Variants in DOCK1 observed in about 807,000 individuals in gnomAD.
DOCK1 encodes the protein dedicator of cytokinesis 1.
A neutral mutation model predicts 262.7 loss-of-function variants in DOCK1; 138 were observed. The ratio of observed to expected loss-of-function variants is 0.53; its 90% confidence interval spans 0.46 to 0.61. The LOEUF is 0.61. Ranked by LOEUF, DOCK1 falls within the 20% of genes least tolerant of loss-of-function variation. The pLI is 0.00. For missense variants in DOCK1, 1,908 were observed against 2,370.7 expected (o/e 0.80, Z 4.05); for synonymous variants, 866 against 867.4 (o/e 1.00, Z 0.03).
intron 21 of DOCK1, among the ~76,000 whole-genome samples, chr10:127,045,723 A>G (rs1564759529): frequency 6.6e-6 from 1 of 152,166 alleles, no homozygotes; most frequent in Non-Finnish European, 1.5e-5. Flanking sequence ...CACTGGACTG[A>G]CCAGCACTGG....
chr10:127,239,997 A>C (rs777111730), intron 27 of DOCK1, among the ~76,000 whole-genome samples: 49 of 152,256 alleles, frequency 3.2e-4, no homozygotes, highest in Middle Eastern at 3.4e-3. Context: ...AATAACTGTT[A>C]TGGGTAATTT....
At chr10:127,051,574 CATTTT>C (rs1188053832) in intron 21 of DOCK1, among the ~76,000 whole-genome samples, 2 of 152,054 alleles carry the variant, frequency 1.3e-5, no homozygotes, top group African/African-American at 4.8e-5. Context: ...TTCACCGAAT[CATTTT>C]ATTTTATTTT....
chr10:127,216,661 G>A (rs1300973415), intron 27 of DOCK1, among the ~76,000 whole-genome samples: 2 of 152,058 alleles, frequency 1.3e-5, no homozygotes, highest in African/African-American at 4.8e-5. Context: ...TAATAGTAAT[G>A]CACCCATCCC....
intron 22 of DOCK1, among the ~76,000 whole-genome samples, chr10:127,055,570 G>A (rs1751454451): frequency 6.6e-6 from 1 of 152,228 alleles, no homozygotes; most frequent in Non-Finnish European, 1.5e-5. Flanking sequence ...GAGTTAGGGA[G>A]AAATAGATAA....
intron 12 of DOCK1, chr10:127,016,708 A>T (rs1469938192): frequency 7.0e-6 from 1 of 142,164 alleles, no homozygotes; most frequent in Non-Finnish European, 1.5e-5. Context: ...ACAAACACAG[A>T]CATACGCACA....
chr10:127,189,641 T>G (rs2056568248), intron 27 of DOCK1, among the ~76,000 whole-genome samples: 3 of 152,178 alleles, frequency 2.0e-5, no homozygotes, highest in Admixed American at 6.5e-5. Context: ...CAGTAAGTAA[T>G]TGAGAAATGC....
At chr10:127,413,226 G>A (rs752842184) in intron 43 of DOCK1, among the ~76,000 whole-genome samples, 1 of 152,168 alleles carries the variant, frequency 6.6e-6, no homozygotes, top group Non-Finnish European at 1.5e-5. Flanking sequence ...TGGAGGGTGC[G>A]CGGCCAGTTG....
intron 23 of DOCK1, among the ~76,000 whole-genome samples, chr10:127,083,592 TGG>T (rs2047032700): frequency 2.0e-5 from 3 of 152,226 alleles, no homozygotes; most frequent in Admixed American, 2.0e-4. Context: ...TTCTTTATAA[TGG>T]ATGTGATTAT....
intron 23 of DOCK1, among the ~76,000 whole-genome samples, chr10:127,062,461 T>G (rs965073146): frequency 6.6e-6 from 1 of 152,240 alleles, no homozygotes; most frequent in African/African-American, 2.4e-5. Flanking sequence ...GTCTTCACTC[T>G]GCATTGCTAC....
At chr10:127,421,608 C>G (rs1448690663) in intron 46 of DOCK1, among the ~76,000 whole-genome samples, 3 of 152,154 alleles carry the variant, frequency 2.0e-5, no homozygotes, top group Non-Finnish European at 4.4e-5. Flanking sequence ...AACTCTCTAC[C>G]CATTGAACGA....
chr10:127,355,240 G>A (rs929427891), intron 32 of DOCK1, among the ~76,000 whole-genome samples: 1 of 152,166 alleles, frequency 6.6e-6, no homozygotes, highest in South Asian at 2.1e-4. Context: ...TGTAAATTAA[G>A]TAATTTTTTC....
rs145378411 is a variant in DOCK1 at position 126,996,273 on chromosome 10, G to A, written c.474-475G>A. ...CACACACCTGTAACCCCAGCTACTC[G>A]GGAGGCTGAGGCAGGAGAATTGCTT... On this transcript the variant is annotated intron_variant, in intron 6 of 51. Coordinates refer to ENST00000623213, the MANE Select transcript of DOCK1 (RefSeq NM_001290223.2). 8.3e-3 allele frequency among the ~76,000 whole-genome samples: 1,257 copies of A among 151,164 alleles called. 16 individuals carry two copies. The highest frequency in any genetic ancestry group is 0.028 in the African/African-American group (1,142 of 41,170).
chr10:127,135,266 T>C (rs1018930757), intron 27 of DOCK1, among the ~76,000 whole-genome samples: 1 of 152,200 alleles, frequency 6.6e-6, no homozygotes, highest in African/African-American at 2.4e-5. Context: ...CCAGGCCAGC[T>C]CTGGCTGGTG....
At chr10:127,202,367 T>G (rs1458669103) in intron 27 of DOCK1, among the ~76,000 whole-genome samples, 1 of 151,516 alleles carries the variant, frequency 6.6e-6, no homozygotes. Flanking sequence ...AAGAATGGAT[T>G]TCACACTTGA....
chr10:127,193,564 G>A (rs982189066), intron 27 of DOCK1, among the ~76,000 whole-genome samples: 2 of 152,236 alleles, frequency 1.3e-5, no homozygotes, highest in South Asian at 4.2e-4. Context: ...GATAGCCATG[G>A]CTGGGCGCAA....
chr10:127,129,114 T>C (rs1461456152), intron 27 of DOCK1, among the ~76,000 whole-genome samples: 2 of 152,162 alleles, frequency 1.3e-5, no homozygotes, highest in African/African-American at 4.8e-5. Flanking sequence ...TGCGTTTTTA[T>C]GTCTGGTGTC....
intron 20 of DOCK1, 148 bp from the exon 21 acceptor site, chr10:127,042,916 A>T: frequency 1.2e-6 from 1 of 815,332 alleles, no homozygotes; most frequent in Non-Finnish European, 1.9e-6. Context: ...TGTCATTTCT[A>T]GGGTAAGAAA....
At chr10:127,224,959 A>C (rs576508603) in intron 27 of DOCK1, among the ~76,000 whole-genome samples, 1 of 152,252 alleles carries the variant, frequency 6.6e-6, no homozygotes, top group East Asian at 1.9e-4. Context: ...TGAAAAAGCC[A>C]TACTTAATTG....
intron 27 of DOCK1, among the ~76,000 whole-genome samples, chr10:127,218,430 T>C (rs1038976114): frequency 1.4e-4 from 21 of 152,184 alleles, no homozygotes; most frequent in African/African-American, 4.8e-4. Context: ...AGTTAATGAC[T>C]TGCATTACTT....
Sources: gnomAD v4.1 joint callset for allele counts (sites outside exome capture counted in the v4.1 genomes callset) on GRCh38, gnomAD v4.1.1 for gene constraint, MANE v1.5 for transcripts, NCBI Gene and HGNC (gene_info 2026-07-23, HGNC 2026-07-21) for gene names.